NAV2: variants seen among roughly 807,000 people sequenced by gnomAD.
NAV2 encodes the protein helicase, APC down-regulated 1.
A neutral mutation model predicts 223.2 loss-of-function variants in NAV2; 54 were observed. That is an observed-to-expected ratio of 0.24 (90% CI 0.19 to 0.30). NAV2 has a LOEUF of 0.30. NAV2 is among the 10% of genes least tolerant of loss of function. NAV2 has a pLI of 1.00. For missense variants in NAV2, 2,806 were observed against 3,147.5 expected, an observed-to-expected ratio of 0.89 and a Z score of 2.60; for synonymous variants, 1,279 against 1,239.3, an observed-to-expected ratio of 1.03 and a Z score of -0.67.
At chr11:19,861,384 G>A (rs1016084562) in intron 3 of NAV2, among the ~76,000 whole-genome samples, 11 of 152,214 alleles carry the variant, frequency 7.2e-5, no homozygotes, top group Non-Finnish European at 1.2e-4. Context: ...TGTTTCACCA[G>A]GGGCCAACCC....
intron 18 of NAV2, among the ~76,000 whole-genome samples, chr11:20,054,512 T>G (rs1183470790): frequency 2.6e-5 from 4 of 152,130 alleles, no homozygotes; most frequent in African/African-American, 9.7e-5. Flanking sequence ...GAAAAATAAA[T>G]AGAGAAAATA....
chr11:19,483,667 G>A (rs1195551060), intron 1 of NAV2, among the ~76,000 whole-genome samples: 1 of 152,306 alleles, frequency 6.6e-6, no homozygotes, highest in African/African-American at 2.4e-5. Flanking sequence ...AATGGCCACG[G>A]TGCGTGATAA....
At chr11:19,452,320 C>T (rs925091821) in intron 1 of NAV2, among the ~76,000 whole-genome samples, 9 of 152,280 alleles carry the variant, frequency 5.9e-5, no homozygotes, top group South Asian at 2.1e-4. Context: ...TGGGCCCTGA[C>T]ATATGGAGAC....
intron 1 of NAV2, among the ~76,000 whole-genome samples, chr11:19,692,514 T>G (rs1388607436): frequency 1.3e-5 from 2 of 152,264 alleles, no homozygotes. Flanking sequence ...AATGGTATTT[T>G]CTGGTAAAGC....
intron 1 of NAV2, among the ~76,000 whole-genome samples, chr11:19,623,320 A>G (rs1023879727): frequency 6.6e-6 from 1 of 152,182 alleles, no homozygotes; most frequent in Non-Finnish European, 1.5e-5. Context: ...CTGCCTTGCT[A>G]GGTTGAGGAA....
intron 1 of NAV2, among the ~76,000 whole-genome samples, chr11:19,779,005 A>T (rs189465849): frequency 6.6e-6 from 1 of 152,242 alleles, no homozygotes; most frequent in African/African-American, 2.4e-5. Context: ...CTCCCAGGGG[A>T]TGGCTTCTGG....
chr11:19,913,407 C>G (rs2043488735), intron 6 of NAV2, among the ~76,000 whole-genome samples: 1 of 152,184 alleles, frequency 6.6e-6, no homozygotes, highest in African/African-American at 2.4e-5. Flanking sequence ...CTGCTCATTC[C>G]TTCACTGTTG....
At chr11:19,601,422 C>T (rs2046346433) in intron 1 of NAV2, among the ~76,000 whole-genome samples, 1 of 152,174 alleles carries the variant, frequency 6.6e-6, no homozygotes, top group Non-Finnish European at 1.5e-5. Flanking sequence ...CAGCCCTCTA[C>T]TTGGTCCTTT....
At chr11:19,876,228 A>T (rs886310389) in intron 4 of NAV2, among the ~76,000 whole-genome samples, 1 of 152,072 alleles carries the variant, frequency 6.6e-6, no homozygotes, top group Non-Finnish European at 1.5e-5. Context: ...GTGTTTCACC[A>T]TGTGAGCCAG....
At chr11:19,602,271 G>A (rs528948443) in intron 1 of NAV2, among the ~76,000 whole-genome samples, 123 of 142,010 alleles carry the variant, frequency 8.7e-4, no homozygotes, top group South Asian at 2.3e-3. Context: ...TCCGCCTCCC[G>A]AGTTCAGGCT....
intron 20 of NAV2, 59 bp from the exon 21 acceptor site, chr11:20,068,127 T>C: frequency 6.8e-7 from 1 of 1,465,676 alleles, no homozygotes; most frequent in Non-Finnish European, 9.6e-7. Context: ...CCCGATGGGC[T>C]GGACTACACT....
intron 6 of NAV2, among the ~76,000 whole-genome samples, chr11:19,899,534 A>G (rs1389888232): frequency 6.6e-6 from 1 of 152,164 alleles, no homozygotes. Context: ...TTTCATCATC[A>G]TTTATAGAGC....
chr11:19,918,560 A>G (rs1037223290), intron 6 of NAV2, among the ~76,000 whole-genome samples: 9 of 152,200 alleles, frequency 5.9e-5, no homozygotes, highest in Non-Finnish European at 1.2e-4. Flanking sequence ...GTTGAGTTAT[A>G]TGTCCCATTT....
intron 11 of NAV2, among the ~76,000 whole-genome samples, chr11:20,033,722 T>A (rs1158132270): frequency 6.6e-6 from 1 of 152,166 alleles, no homozygotes; most frequent in Non-Finnish European, 1.5e-5. Flanking sequence ...TGAAAACAGG[T>A]TTTTAGTAAG....
intron 1 of NAV2, among the ~76,000 whole-genome samples, chr11:19,596,274 C>A (rs1258107504): frequency 6.6e-6 from 1 of 152,204 alleles, no homozygotes. Context: ...GGCTTGCATA[C>A]AGAGGCCTGG....
chr11:20,072,291 G>A (rs372830133), intron 22 of NAV2, among the ~76,000 whole-genome samples: 1 of 152,098 alleles, frequency 6.6e-6, no homozygotes, highest in Non-Finnish European at 1.5e-5. Context: ...TGTCCCATTG[G>A]TCTATATATC....
chr11:19,943,702 G>C (rs945359764), intron 8 of NAV2, among the ~76,000 whole-genome samples: 12 of 152,100 alleles, frequency 7.9e-5, no homozygotes, highest in Non-Finnish European at 1.5e-5. Flanking sequence ...TGTAAATTCT[G>C]CTTGTGCTAT....
At chr11:19,731,241 C>T (rs1353792511) in intron 1 of NAV2, among the ~76,000 whole-genome samples, 2 of 152,210 alleles carry the variant, frequency 1.3e-5, no homozygotes, top group African/African-American at 4.8e-5. Context: ...TGCTGGATGC[C>T]ACACTTAGTA....
chr11:19,824,560 G>T lies in NAV2; in HGVS notation c.268-7924G>T, dbSNP rs773865775. Reference sequence around the variant, plus strand: ...GCTCTGCCTGTTTCTCCAGTGTGTAGGGCTGGGGACACCATTTCACCTATT... The same window carrying T: ...GCTCTGCCTGTTTCTCCAGTGTGTATGGCTGGGGACACCATTTCACCTATT... On this transcript the variant is annotated intron_variant, in intron 1 of 37. Coordinates refer to ENST00000349880, the MANE Select transcript of NAV2 (RefSeq NM_145117.5). Among the ~76,000 whole-genome samples the T allele has an allele frequency of 1.0e-3, 155 of 152,214 alleles. 1 individual carries two copies. The highest frequency in any genetic ancestry group is 2.5e-4 in the Non-Finnish European group (17 of 68,036).
Sources: gnomAD v4.1 joint callset for allele counts (sites outside exome capture counted in the v4.1 genomes callset) on GRCh38, gnomAD v4.1.1 for gene constraint, MANE v1.5 for transcripts, NCBI Gene and HGNC (gene_info 2026-07-23, HGNC 2026-07-21) for gene names.